Variants in TTYH3 observed in about 807,000 individuals in gnomAD.
The protein encoded by TTYH3 is tweety family member 3, also known as protein tweety homolog 3.
TTYH3 carries 23 observed loss-of-function variants against 68.2 expected under a neutral mutation model. The observed-to-expected ratio is 0.34, with a 90% CI of 0.24 to 0.48. The LOEUF (loss-of-function observed/expected upper bound fraction) is 0.48. Among genes scored for constraint, TTYH3 ranks in the 20% least tolerant of loss-of-function variants. The pLI, the probability that TTYH3 is intolerant of heterozygous loss-of-function variation, is 0.99. For synonymous variants in TTYH3, 360 were observed against 332.8 expected, an observed-to-expected ratio of 1.08 and a Z score of -0.89; for missense variants, 768 against 727.7, an observed-to-expected ratio of 1.06 and a Z score of -0.64.
Position 2,645,745 on chromosome 7 carries a change from G to C in TTYH3, c.124-1108G>C, listed in dbSNP as rs1301978372. The C allele has an allele frequency of 4.3e-6, 2 of 470,370 alleles. No individual in the cohort carries two copies. The highest frequency in any genetic ancestry group is 4.0e-5 in the African/African-American group (2 of 50,052). The allele number at this position is 470,370 out of a possible 1,614,324, so 29.1% of individuals were successfully genotyped here. A position where few individuals can be genotyped will look rare whatever the true frequency, so the allele number is the denominator to read the frequency against. ...CCCCAGACAGGATCAGACTCCTGAT[G>C]GGGCCTCTTCCATGTTCACCCCTCA... On this transcript the variant is annotated intron_variant, in intron 1 of 13. Transcript: ENST00000258796. The surrounding 1 kb of genome is among the most constrained non-coding windows in gnomAD (Gnocchi z 4.8).
intron 8 of TTYH3, among the ~76,000 whole-genome samples, chr7:2,652,599 A>G (rs1346049181): frequency 6.6e-6 from 1 of 152,128 alleles, no homozygotes; most frequent in Non-Finnish European, 1.5e-5. Context: ...GGTCGGCCGC[A>G]CCAGCTGGTC....
rs1428724188 is a variant in TTYH3 at position 2,656,149 on chromosome 7, C to T, written c.1078C>T (p.Leu360Phe). Residue 360 changes from leucine (L) to phenylalanine (F), a missense_variant, in exon 10 of 14, where the codon CTC becomes TTC. Physicochemically the swap from Leu to Phe is conservative, Grantham distance 22. Transcript: ENST00000258796. ...LNGTEVNLQH[L>F]TALVDCRSLH... is the part of the protein sequence containing the mutation. ...TGGCACGGAGGTGAACCTGCAGCACCTCACCGCCCTGGTGGACTGCCGCAG... is the reference window on the plus strand; with the variant it reads ...TGGCACGGAGGTGAACCTGCAGCACTTCACCGCCCTGGTGGACTGCCGCAG... 2 of 1,571,154 alleles carry T rather than the reference C, an allele frequency of 1.3e-6. No individual in the cohort carries two copies. Among genetic ancestry groups the T allele is most frequent in the Non-Finnish European group, 1.7e-6 (2 of 1,158,714 alleles).
chr7:2,647,140 AGCGCCG>A lies in TTYH3; in HGVS notation c.295_300del (p.Ala99_Gly100del). The A allele has an allele frequency of 6.3e-7, 1 of 1,599,130 alleles. No homozygotes were observed. The highest frequency in any genetic ancestry group is 8.5e-7 in the Non-Finnish European group (1 of 1,175,018). On this transcript the variant is annotated splice_acceptor_variant and coding_sequence_variant, in exon 3 of 14. Transcript: ENST00000258796. LOFTEE classifies it high-confidence loss of function. The stretch of plus-strand genomic sequence containing the variant: ...TACATCTCACGGGCCCGCCCTCTCC[AGCGCCG>A]GCATCGCAGTGGGATTCTACGGCAA...
intron 1 of TTYH3, among the ~76,000 whole-genome samples, chr7:2,638,680 C>G (rs535067383): frequency 6.6e-6 from 1 of 152,318 alleles, no homozygotes; most frequent in African/African-American, 2.4e-5. Context: ...AGCTCACCGT[C>G]ATGGAATGCG....
At chr7:2,634,898 C>T (rs553924077) in intron 1 of TTYH3, among the ~76,000 whole-genome samples, 5 of 152,174 alleles carry the variant, frequency 3.3e-5, no homozygotes, top group African/African-American at 7.2e-5. Context: ...AGCCTGGAGT[C>T]GCAGGCTCCC....
At position 2,632,251 on chromosome 7, in the gene TTYH3, C is replaced by A; in HGVS notation, c.96C>A (p.Phe32Leu). 6.3e-7 allele frequency: 1 copy of A among 1,587,588 alleles called. No individual in the cohort carries two copies. Among genetic ancestry groups the A allele is most frequent in the Non-Finnish European group, 8.6e-7 (1 of 1,165,290 alleles). ...DLSWEATSSQ[F>L]RPEDTDYQQA... ...GCTGGGAGGCCACTAGCAGCCAGTT[C>A]CGGCCCGAGGACACCGACTACCAGC... The change falls in exon 1 of 14, where the codon TTC becomes TTA. Residue 32 changes from phenylalanine (F) to leucine (L), a missense_variant. By Grantham distance (22) the Phe-to-Leu change is conservative. Coordinates refer to ENST00000258796, the MANE Select transcript of TTYH3 (RefSeq NM_025250.3).
chr7:2,639,253 C>G (rs1027390008), intron 1 of TTYH3, among the ~76,000 whole-genome samples: 1 of 152,206 alleles, frequency 6.6e-6, no homozygotes, highest in Non-Finnish European at 1.5e-5. Context: ...TGCTGCCATA[C>G]GCACAGGCTC....
At position 2,656,543 on chromosome 7, in the gene TTYH3, C is replaced by T; in HGVS notation, c.1250+9C>T. On this transcript the variant is annotated intron_variant, in intron 11 of 13. Transcript: ENST00000258796. Reference sequence around the variant, plus strand: ...ACCTGGCAGCAAAAGAGGTGAGGGGCCCTGGGGGGTCGCAGGAGCTTGCCC... The same window carrying T: ...ACCTGGCAGCAAAAGAGGTGAGGGGTCCTGGGGGGTCGCAGGAGCTTGCCC... 2 of 1,597,038 alleles carry T rather than the reference C, an allele frequency of 1.3e-6. No individual in the cohort carries two copies. Among genetic ancestry groups the T allele is most frequent in the Non-Finnish European group, 1.7e-6 (2 of 1,174,504 alleles).
Position 2,645,177 on chromosome 7 carries a change from G to A in TTYH3, c.124-1676G>A, listed in dbSNP as rs1296220912. Among the ~76,000 whole-genome samples, 1 of 152,212 alleles carries A rather than the reference G, an allele frequency of 6.6e-6. No homozygotes were observed. Among genetic ancestry groups the A allele is most frequent in the African/African-American group, 2.4e-5 (1 of 41,464 alleles). On this transcript the variant is annotated intron_variant, in intron 1 of 13. Coordinates refer to ENST00000258796, the MANE Select transcript of TTYH3 (RefSeq NM_025250.3). This position sits in a 1 kb window ranked among gnomAD's most constrained non-coding sequence, Gnocchi z 4.8. ...GTGGTCCCTGGCCCCATGATGAGGC[G>A]CAGCCCTGTATCAGCTCCCCATCCC...
Position 2,632,025 on chromosome 7 carries a change from G to A in TTYH3, c.-131G>A, listed in dbSNP as rs1785531856. On this transcript the variant is annotated 5_prime_UTR_variant, in exon 1 of 14. Transcript: ENST00000258796. ...AGCCGAGCCGGGCCGAGCCGGGCCG[G>A]GCCGGGCCCAGGAGCGCGCGGATGA... The A allele has an allele frequency of 2.5e-6, 2 of 794,432 alleles. No homozygotes were observed. The highest frequency in any genetic ancestry group is 3.2e-6 in the Non-Finnish European group (2 of 630,202). 49.2% of individuals were successfully genotyped at this position (794,432 alleles called of 1,614,324 possible). A position where few individuals can be genotyped will look rare whatever the true frequency, so the allele number is the denominator to read the frequency against.
chr7:2,637,168 TC>T (rs1236431349), intron 1 of TTYH3, among the ~76,000 whole-genome samples: 1 of 148,710 alleles, frequency 6.7e-6, no homozygotes, highest in Non-Finnish European at 1.5e-5. Context: ...TCTGGGCATC[TC>T]CATGGTGACC....
chr7:2,641,802 C>T lies in TTYH3; in HGVS notation c.124-5051C>T, dbSNP rs528210798. The stretch of plus-strand genomic sequence containing the variant: ...TGCAGAGGCCAGGCTGGCCACGGCA[C>T]GCTCCCCGCAGACAGCTGGGCTCAG... On this transcript the variant is annotated intron_variant, in intron 1 of 13. Coordinates refer to ENST00000258796, the MANE Select transcript of TTYH3 (RefSeq NM_025250.3). Among the ~76,000 whole-genome samples the T allele has an allele frequency of 1.3e-4, 20 of 152,238 alleles. No individual in the cohort carries two copies. In the East Asian group the frequency reaches 2.7e-3, roughly 21 times the overall value.
intron 9 of TTYH3, among the ~76,000 whole-genome samples, chr7:2,653,226 C>T (rs982349605): frequency 2.0e-5 from 3 of 152,190 alleles, no homozygotes; most frequent in African/African-American, 7.2e-5. Context: ...CTTCCTCCCT[C>T]CTTCATTCCT....
intron 8 of TTYH3, 49 bp downstream of exon 8, chr7:2,652,291 A>G (rs2114991693): frequency 6.4e-7 from 1 of 1,561,522 alleles, no homozygotes; most frequent in South Asian, 1.1e-5. Context: ...TCTGAAGCAC[A>G]TTGCTGTGTG....
Position 2,662,141 on chromosome 7 carries a change from G to T in TTYH3, c.*402G>T. 1.3e-5 allele frequency: 5 copies of T among 379,874 alleles called. No homozygotes were observed. Among genetic ancestry groups the T allele is most frequent in the South Asian group, 1.2e-4 (5 of 42,062 alleles). The allele number at this position is 379,874 out of a possible 1,614,324, so 23.5% of individuals were successfully genotyped here. ...TCTGTGGACCCCTTCTTAGTTCACA[G>T]GCACGGCTGGGGCCGCTCTGTGCTG... On this transcript the variant is annotated 3_prime_UTR_variant, in exon 14 of 14. Transcript: ENST00000258796.
Position 2,647,644 on chromosome 7 carries a change from G to A in TTYH3, c.626+6G>A. 1 of 1,552,892 alleles carries A rather than the reference G, an allele frequency of 6.4e-7. No homozygotes were observed. The highest frequency in any genetic ancestry group is 8.7e-7 in the Non-Finnish European group (1 of 1,146,442). On this transcript the variant is annotated splice_donor_region_variant and intron_variant, in intron 4 of 13. Coordinates refer to ENST00000258796, the MANE Select transcript of TTYH3 (RefSeq NM_025250.3). ...GATCTCTACGACTGGTACAGGTGCGGCCAGGCCCTCTTCCCTGCCCGCCCC... is the reference window on the plus strand; with the variant it reads ...GATCTCTACGACTGGTACAGGTGCGACCAGGCCCTCTTCCCTGCCCGCCCC...
At chr7:2,646,678 A>G (rs978120318) in intron 1 of TTYH3, among the ~76,000 whole-genome samples, 175 bp from the exon 2 acceptor site, 2 of 152,200 alleles carry the variant, frequency 1.3e-5, no homozygotes, top group Non-Finnish European at 1.5e-5. Flanking sequence ...CCCCAGGTGC[A>G]TCACTGAGGT....
intron 7 of TTYH3, among the ~76,000 whole-genome samples, 163 bp downstream of exon 7, chr7:2,650,151 C>T (rs1438890514): frequency 6.6e-6 from 1 of 152,202 alleles, no homozygotes; most frequent in Non-Finnish European, 1.5e-5. Flanking sequence ...ACCACCTTTC[C>T]CAAGTGGGAG....
chr7:2,662,096 C>A lies in TTYH3; in HGVS notation c.*357C>A. 2.1e-6 allele frequency: 1 copy of A among 468,288 alleles called. No homozygotes were observed. Among genetic ancestry groups the A allele is most frequent in the East Asian group, 4.1e-5 (1 of 24,334 alleles). The allele number at this position is 468,288 out of a possible 1,614,324, so 29.0% of individuals were successfully genotyped here. A position where few individuals can be genotyped will look rare whatever the true frequency, so the allele number is the denominator to read the frequency against. The stretch of plus-strand genomic sequence containing the variant: ...GCCCGGCCCTTCCCTCCACAGCTCT[C>A]CTTCCTCCCGCCCGGCACTTCTGTG... On this transcript the variant is annotated 3_prime_UTR_variant, in exon 14 of 14. Transcript: ENST00000258796.
Sources: allele counts gnomAD v4.1 joint callset (sites outside exome capture counted in the v4.1 genomes callset), GRCh38; gene constraint gnomAD v4.1.1; non-coding constraint Gnocchi (gnomAD v3.1); transcripts MANE v1.5; gene names NCBI Gene and HGNC (gene_info 2026-07-23, HGNC 2026-07-21).